Variants in CHCHD3 observed in about 807,000 individuals in gnomAD.
The protein encoded by CHCHD3 is MICOS complex subunit MIC19.
Under a neutral mutation model 38.2 loss-of-function variants are expected in CHCHD3, and 20 were observed. The ratio of observed to expected loss-of-function variants is 0.52; its 90% CI spans 0.37 to 0.76. The LOEUF is 0.76. Among genes scored for constraint, CHCHD3 ranks in the 30% least tolerant of loss-of-function variants. CHCHD3 has a pLI of 0.00. For synonymous variants in CHCHD3, 82 were observed against 100.0 expected (o/e 0.82, Z 1.07); for missense variants, 245 against 279.2 (o/e 0.88, Z 0.87).
At chr7:132,951,850 G>C (rs184394816) in intron 4 of CHCHD3, among the ~76,000 whole-genome samples, 2 of 152,264 alleles carry the variant, frequency 1.3e-5, no homozygotes, top group East Asian at 3.9e-4. Context: ...GGTAAGTGAG[G>C]TGACTAGCTA....
Position 132,926,843 on chromosome 7 carries a change from T to G in CHCHD3, c.370-41098A>C, listed in dbSNP as rs189421928. 5.8e-4 allele frequency among the ~76,000 whole-genome samples: 87 copies of G among 150,852 alleles called. 1 individual carries two copies. Among genetic ancestry groups the G allele is most frequent in the East Asian group, 3.2e-3 (16 of 5,050 alleles). The stretch of plus-strand genomic sequence containing the variant: ...TGTATTTTTTGTTGTTGTATTGTTG[T>G]TTTTTTTTCCAAATATTTTTAATCC... On this transcript the variant is annotated intron_variant, in intron 4 of 7. Transcript: ENST00000262570.
In CHCHD3 at chr7:132,788,125, C is replaced by T. The variant is rs1369704128; in HGVS notation, c.661-2465G>A. Among the ~76,000 whole-genome samples, 4 of 152,160 alleles carry T rather than the reference C, an allele frequency of 2.6e-5. No individual in the cohort carries two copies. The highest frequency in any genetic ancestry group is 4.4e-5 in the Non-Finnish European group (3 of 68,034). ...ATTGATCTGTGTGAGCCTCTCCAATCACATAGATGATAAGTTCTATAAATT... is the reference window on the plus strand; with the variant it reads ...ATTGATCTGTGTGAGCCTCTCCAATTACATAGATGATAAGTTCTATAAATT... On this transcript the variant is annotated intron_variant, in intron 7 of 7. Coordinates refer to ENST00000262570, the MANE Select transcript of CHCHD3 (RefSeq NM_017812.4). This position sits in a 1 kb window ranked among gnomAD's most constrained non-coding sequence, Gnocchi z 4.0.
intron 4 of CHCHD3, among the ~76,000 whole-genome samples, chr7:132,890,654 G>A (rs1809338254): frequency 1.3e-5 from 2 of 151,928 alleles, no homozygotes; most frequent in Admixed American, 1.3e-4. Context: ...ATTTTTAATA[G>A]CTCAGGGTAA....
intron 4 of CHCHD3, chr7:132,974,024 T>C (rs1403655071): frequency 7.8e-7 from 1 of 1,284,960 alleles, no homozygotes. Flanking sequence ...TCCACTTTTA[T>C]CTATCAAATA....
intron 4 of CHCHD3, among the ~76,000 whole-genome samples, chr7:132,915,835 C>T (rs1187843920): frequency 1.1e-4 from 17 of 151,908 alleles, no homozygotes; most frequent in Admixed American, 3.9e-4. Context: ...TGAACTTCTT[C>T]GTTAATGTTT....
At chr7:132,821,001 T>C (rs997051831) in intron 6 of CHCHD3, among the ~76,000 whole-genome samples, 2 of 152,206 alleles carry the variant, frequency 1.3e-5, no homozygotes, top group African/African-American at 4.8e-5. Flanking sequence ...ACAGAATTAT[T>C]ATTTTGAGTA....
intron 5 of CHCHD3, among the ~76,000 whole-genome samples, chr7:132,861,105 T>C (rs1298435359): frequency 6.6e-6 from 1 of 152,126 alleles, no homozygotes; most frequent in Admixed American, 6.5e-5. Flanking sequence ...GTTTTGGAAG[T>C]AGAATCAACA....
At chr7:133,005,326 C>T (rs552164781) in intron 3 of CHCHD3, among the ~76,000 whole-genome samples, 1 of 152,332 alleles carries the variant, frequency 6.6e-6, no homozygotes, top group Admixed American at 6.5e-5. Flanking sequence ...TCTCTAGGCT[C>T]ATCCTCACTC....
At chr7:133,036,913 G>T (rs949927597) in intron 2 of CHCHD3, among the ~76,000 whole-genome samples, 3 of 152,156 alleles carry the variant, frequency 2.0e-5, no homozygotes, top group African/African-American at 4.8e-5. Context: ...GGATTTGTTG[G>T]TTTTTTTAAC....
chr7:132,888,905 T>G (rs1178745714), intron 4 of CHCHD3, among the ~76,000 whole-genome samples: 7 of 152,018 alleles, frequency 4.6e-5, no homozygotes, highest in African/African-American at 7.2e-5. Context: ...GAAGGTTGAG[T>G]ACTTGTTTAT....
At chr7:132,853,438 T>G (rs762130138) in intron 5 of CHCHD3, among the ~76,000 whole-genome samples, 1 of 152,078 alleles carries the variant, frequency 6.6e-6, no homozygotes, top group Non-Finnish European at 1.5e-5. Flanking sequence ...CTGGCCAACA[T>G]GGTGAAACCC....
chr7:132,785,920 G>A (rs1455122847), intron 7 of CHCHD3, among the ~76,000 whole-genome samples: 3 of 152,206 alleles, frequency 2.0e-5, no homozygotes, highest in South Asian at 2.1e-4. Context: ...GCTCACGCCT[G>A]TAATCCTAGC....
chr7:133,040,066 C>T (rs1176502087), intron 2 of CHCHD3, among the ~76,000 whole-genome samples: 1 of 152,122 alleles, frequency 6.6e-6, no homozygotes, highest in African/African-American at 2.4e-5. Flanking sequence ...TATTCGACCC[C>T]ACATATCTTA....
chr7:133,020,961 A>AG (rs2117434543), intron 3 of CHCHD3, among the ~76,000 whole-genome samples: 1 of 140,502 alleles, frequency 7.1e-6, no homozygotes, highest in South Asian at 2.6e-4. Flanking sequence ...AACGGATAAG[A>AG]GGGGGGCCGG....
At chr7:132,944,535 C>T (rs984028857) in intron 4 of CHCHD3, among the ~76,000 whole-genome samples, 1 of 150,736 alleles carries the variant, frequency 6.6e-6, no homozygotes, top group Non-Finnish European at 1.5e-5. Context: ...AAAAAATAGT[C>T]ACAATACATT....
chr7:132,938,362 C>G (rs1410291794), intron 4 of CHCHD3, among the ~76,000 whole-genome samples: 1 of 152,024 alleles, frequency 6.6e-6, no homozygotes, highest in Non-Finnish European at 1.5e-5. Flanking sequence ...TTCTTGATTC[C>G]AAAGTCAATA....
At chr7:132,806,776 A>C (rs945321308) in intron 6 of CHCHD3, among the ~76,000 whole-genome samples, 2 of 152,146 alleles carry the variant, frequency 1.3e-5, no homozygotes, top group African/African-American at 4.8e-5. Context: ...TTCTGCAAGC[A>C]GACCATGACA....
At chr7:132,853,155 G>A (rs1808259320) in intron 5 of CHCHD3, among the ~76,000 whole-genome samples, 1 of 152,150 alleles carries the variant, frequency 6.6e-6, no homozygotes, top group African/African-American at 2.4e-5. Flanking sequence ...ATCTCTCTAA[G>A]TGAATAAGAA....
chr7:133,058,985 A>T (rs1814420313), intron 2 of CHCHD3, among the ~76,000 whole-genome samples: 1 of 152,162 alleles, frequency 6.6e-6, no homozygotes, highest in South Asian at 2.1e-4. Context: ...GGACTGGCCC[A>T]AGCATTGGAC....
Sources: allele counts gnomAD v4.1 joint callset (sites outside exome capture counted in the v4.1 genomes callset), GRCh38; gene constraint gnomAD v4.1.1; non-coding constraint Gnocchi (gnomAD v3.1); transcripts MANE v1.5; gene names NCBI Gene and HGNC (gene_info 2026-07-23, HGNC 2026-07-21).